Variants in PRXL2B observed in about 807,000 individuals in gnomAD.
The protein encoded by PRXL2B is peroxiredoxin like 2B.
In PRXL2B, 26 loss-of-function variants were observed where a neutral mutation model predicts 24.4. The ratio of observed to expected loss-of-function variants is 1.07; its 90% confidence interval spans 0.78 to 1.48. The LOEUF (loss-of-function observed/expected upper bound fraction) is 1.48, where lower values mean the gene tolerates loss of function less well. Among genes scored for constraint, PRXL2B ranks in the 40% most tolerant of loss-of-function variants. The pLI is 0.00. For missense variants in PRXL2B, 269 were observed against 264.8 expected (o/e 1.02, Z -0.11); for synonymous variants, 115 against 118.9 (o/e 0.97, Z 0.21).
At position 2,587,238 on chromosome 1, in the gene PRXL2B, G is replaced by A. The variant is rs1467553598; in HGVS notation, c.211G>A (p.Val71Ile). The change falls in exon 2 of 7, where the codon GTA (valine) becomes ATA (isoleucine). Residue 71 changes from valine to isoleucine, a missense_variant. Val to Ile is a conservative substitution (Grantham distance 29, BLOSUM62 3). Coordinates refer to ENST00000419916, the MANE Select transcript of PRXL2B (RefSeq NM_152371.5). This position sits in a 1 kb window ranked among gnomAD's most constrained non-coding sequence, Gnocchi z 6.1. Reference protein sequence around the residue: ...LDQHGVRLVGVGPEALGLQEF... With the variant: ...LDQHGVRLVGIGPEALGLQEF... ...CCAACACGGCGTGCGCCTGGTGGGC[G>A]TAGGGCCCGAGGCCCTGGGTCTGCA... The A allele has an allele frequency of 6.3e-7, 1 of 1,576,792 alleles. No homozygotes were observed. Among genetic ancestry groups the A allele is most frequent in the Non-Finnish European group, 8.6e-7 (1 of 1,167,652 alleles).
rs1644544124 is a variant in PRXL2B, at chr1:2,587,228, C to G, written c.201C>G (p.Arg67=). The G allele has an allele frequency of 6.4e-7, 1 of 1,574,572 alleles. No homozygotes were observed. Among genetic ancestry groups the G allele is most frequent in the Non-Finnish European group, 8.6e-7 (1 of 1,166,572 alleles). Residue 67 remains arginine (R), a synonymous_variant, in exon 2 of 7, where the codon CGC becomes CGG. Coordinates refer to ENST00000419916, the MANE Select transcript of PRXL2B (RefSeq NM_152371.5). The surrounding 1 kb of genome is among the most constrained non-coding windows in gnomAD (Gnocchi z 6.1). ...GGCTCCTGGACCAACACGGCGTGCG[C>G]CTGGTGGGCGTAGGGCCCGAGGCCC... is the stretch of plus-strand genomic sequence containing the variant. ...LAGLLDQHGV[R]LVGVGPEALG... is the part of the protein sequence containing the mutation.
chr1:2,586,729 C>T (rs1270396236), upstream of PRXL2B: 3 of 1,213,360 alleles, frequency 2.5e-6, no homozygotes, highest in Admixed American at 1.5e-4. Flanking sequence ...CCCGAAGGGG[C>T]GGGGCCTCGG....
At chr1:2,588,850 C>T in intron 5 of PRXL2B, 72 bp from the exon 6 acceptor site, 2 of 1,467,040 alleles carry the variant, frequency 1.4e-6, no homozygotes, top group South Asian at 1.2e-5. Context: ...CCCTACCCTC[C>T]CTCCTCCTGG....
rs374933565 is a variant in PRXL2B at position 2,589,012 on chromosome 1, C to T, written c.551C>T (p.Ala184Val). The change falls in exon 6 of 7, where the codon GCG becomes GTG. Residue 184 changes from alanine to valine, a missense_variant. By Grantham distance (64) the Ala-to-Val change is moderately conservative. Transcript: ENST00000419916. ...EHILQVLGIS[A>V]EVCASDPPQC... ...ATCCTGCAGGTCCTGGGCATCTCTG[C>T]GGAGGTCTGTGCCAGCGACCCGCCT... 13 of 1,613,158 alleles carry T rather than the reference C, an allele frequency of 8.1e-6. No homozygotes were observed. The highest frequency in any genetic ancestry group is 1.1e-5 in the South Asian group (1 of 91,090).
At chr1:2,589,269 G>A (rs1282735882) in intron 6 of PRXL2B, 141 bp from the exon 7 acceptor site, 91 of 1,313,582 alleles carry the variant, frequency 6.9e-5, no homozygotes, top group Non-Finnish European at 9.6e-5. Context: ...TGTCCTCAGA[G>A]GTGGGGGCGA....
chr1:2,589,576 T>C lies in PRXL2B; in HGVS notation c.*149T>C. Reference sequence around the variant, plus strand: ...GCCGGCAGCAACGAGCCATTAAAACTGCAGTTCCTGACCACGCACTGCTTC... The same window carrying C: ...GCCGGCAGCAACGAGCCATTAAAACCGCAGTTCCTGACCACGCACTGCTTC... On this transcript the variant is annotated 3_prime_UTR_variant, in exon 7 of 7. Coordinates refer to ENST00000419916, the MANE Select transcript of PRXL2B (RefSeq NM_152371.5). 1.8e-6 allele frequency: 2 copies of C among 1,117,430 alleles called. No homozygotes were observed. The highest frequency in any genetic ancestry group is 2.5e-5 in the East Asian group (1 of 39,458). The allele number at this position is 1,117,430 out of a possible 1,614,324, so 69.2% of individuals were successfully genotyped here. A position where few individuals can be genotyped will look rare whatever the true frequency, so the allele number is the denominator to read the frequency against.
chr1:2,591,045 A>G lies in PRXL2B; in HGVS notation c.*1618A>G. On this transcript the variant is annotated 3_prime_UTR_variant, in exon 7 of 7. Transcript: ENST00000419916. ...CATGGGGGTGCCCCGGGCACAGTGG[A>G]ACGTGTCTGCGAAGGCGGCCAGGTT... 6.2e-7 allele frequency: 1 copy of G among 1,606,686 alleles called. No individual in the cohort carries two copies. The highest frequency in any genetic ancestry group is 8.5e-7 in the Non-Finnish European group (1 of 1,177,306).
At position 2,586,822 on chromosome 1, in the gene PRXL2B, C is replaced by A; in HGVS notation, c.-64C>A. On this transcript the variant is annotated 5_prime_UTR_variant, in exon 1 of 7. Coordinates refer to ENST00000419916, the MANE Select transcript of PRXL2B (RefSeq NM_152371.5). ...TGAGCCGGGAGCGGGGATCCAGGAG[C>A]GAGGAGCCGGGAGCGGGGAACAGGG... The A allele has an allele frequency of 2.4e-6, 3 of 1,269,656 alleles. No homozygotes were observed. Among genetic ancestry groups the A allele is most frequent in the Non-Finnish European group, 3.0e-6 (3 of 1,009,134 alleles). 78.6% of individuals were successfully genotyped at this position (1,269,656 alleles called of 1,614,324 possible). A position where few individuals can be genotyped will look rare whatever the true frequency, so the allele number is the denominator to read the frequency against.
chr1:2,589,559 C>T lies in PRXL2B; in HGVS notation c.*132C>T. The stretch of plus-strand genomic sequence containing the variant: ...CGAACCTCTCCTGATCCGCCGGCAG[C>T]AACGAGCCATTAAAACTGCAGTTCC... On this transcript the variant is annotated 3_prime_UTR_variant, in exon 7 of 7. Transcript: ENST00000419916. 7.6e-7 allele frequency: 1 copy of T among 1,312,570 alleles called. No homozygotes were observed. Among genetic ancestry groups the T allele is most frequent in the South Asian group, 1.3e-5 (1 of 76,742 alleles). The allele number at this position is 1,312,570 out of a possible 1,614,324, so 81.3% of individuals were successfully genotyped here.
rs1644669642 is a variant in PRXL2B at position 2,590,758 on chromosome 1, G to A, written c.*1331G>A. 7.5e-6 allele frequency: 3 copies of A among 402,484 alleles called. No homozygotes were observed. The highest frequency in any genetic ancestry group is 1.3e-5 in the Non-Finnish European group (3 of 228,134). 24.9% of individuals were successfully genotyped at this position (402,484 alleles called of 1,614,324 possible). The stretch of plus-strand genomic sequence containing the variant: ...TACAGAGCTGTGACGGGGGCACTGA[G>A]CCCCGCGGGTGTCTGTGGAGGGGGC... On this transcript the variant is annotated 3_prime_UTR_variant, in exon 7 of 7. Coordinates refer to ENST00000419916, the MANE Select transcript of PRXL2B (RefSeq NM_152371.5).
In PRXL2B at chr1:2,586,822, C is replaced by T; in HGVS notation, c.-64C>T. ...TGAGCCGGGAGCGGGGATCCAGGAGCGAGGAGCCGGGAGCGGGGAACAGGG... is the reference window on the plus strand; with the variant it reads ...TGAGCCGGGAGCGGGGATCCAGGAGTGAGGAGCCGGGAGCGGGGAACAGGG... On this transcript the variant is annotated 5_prime_UTR_variant, in exon 1 of 7. Transcript: ENST00000419916. 1 of 1,269,656 alleles carries T rather than the reference C, an allele frequency of 7.9e-7. No individual in the cohort carries two copies. Among genetic ancestry groups the T allele is most frequent in the South Asian group, 3.3e-5 (1 of 30,358 alleles). 78.6% of individuals were successfully genotyped at this position (1,269,656 alleles called of 1,614,324 possible).
At position 2,589,534 on chromosome 1, in the gene PRXL2B, C is replaced by T. The variant is rs111819834; in HGVS notation, c.*107C>T. ...TTCCGGAGGCGCTGGGTCGGGATGC[C>T]GAACCTCTCCTGATCCGCCGGCAGC... On this transcript the variant is annotated 3_prime_UTR_variant, in exon 7 of 7. Coordinates refer to ENST00000419916, the MANE Select transcript of PRXL2B (RefSeq NM_152371.5). The T allele has an allele frequency of 1.1e-3, 1,617 of 1,512,926 alleles. 3 individuals carry two copies. Among genetic ancestry groups the T allele is most frequent in the East Asian group, 1.9e-3 (83 of 43,096 alleles). 93.7% of individuals were successfully genotyped at this position (1,512,926 alleles called of 1,614,324 possible).
At position 2,591,240 on chromosome 1, in the gene PRXL2B, C is replaced by G. The variant is rs1264989749; in HGVS notation, c.*1813C>G. 2 of 607,982 alleles carry G rather than the reference C, an allele frequency of 3.3e-6. No individual in the cohort carries two copies. The highest frequency in any genetic ancestry group is 2.9e-6 in the Non-Finnish European group (1 of 349,152). 37.7% of individuals were successfully genotyped at this position (607,982 alleles called of 1,614,324 possible). ...AACATTTCAACCATGAGATAAACCC[C>G]CATCTGACCAGAAACATGCCAATCC... On this transcript the variant is annotated 3_prime_UTR_variant, in exon 7 of 7. Transcript: ENST00000419916.
chr1:2,590,896 C>A lies in PRXL2B; in HGVS notation c.*1469C>A. On this transcript the variant is annotated 3_prime_UTR_variant, in exon 7 of 7. Coordinates refer to ENST00000419916, the MANE Select transcript of PRXL2B (RefSeq NM_152371.5). ...GCAGGCTTGGCATGGTTGGCCGGGG[C>A]GGGACGTACACTGGGTCGCCGCTAG... 1 of 1,011,978 alleles carries A rather than the reference C, an allele frequency of 9.9e-7. No individual in the cohort carries two copies. The highest frequency in any genetic ancestry group is 2.6e-5 in the South Asian group (1 of 38,398). The allele number at this position is 1,011,978 out of a possible 1,614,324, so 62.7% of individuals were successfully genotyped here. A position where few individuals can be genotyped will look rare whatever the true frequency, so the allele number is the denominator to read the frequency against.
At position 2,587,770 on chromosome 1, in the gene PRXL2B, T is replaced by C. The variant is rs764680301; in HGVS notation, c.298T>C (p.Tyr100His). The change falls in exon 3 of 7, where the codon TAC (tyrosine) becomes CAC (histidine). Residue 100 changes from tyrosine to histidine, a missense_variant. Transcript: ENST00000419916. This position sits in a 1 kb window ranked among gnomAD's most constrained non-coding sequence, Gnocchi z 6.1. ...CTACCTGGATGAGAGCAAGCAGCTT[T>C]ACAAGGAGCTAGGCTTCAAGCGGTG... is the stretch of plus-strand genomic sequence containing the variant. ...ELYLDESKQLYKELGFKRYNS... is the reference protein window; with the variant it reads ...ELYLDESKQLHKELGFKRYNS... 3.3e-6 allele frequency: 5 copies of C among 1,535,628 alleles called. No homozygotes were observed. The highest frequency in any genetic ancestry group is 4.4e-6 in the Non-Finnish European group (5 of 1,134,630).
In PRXL2B at chr1:2,587,663, G is replaced by C; in HGVS notation, c.269-78G>C. The C allele has an allele frequency of 6.7e-7, 1 of 1,493,396 alleles. No homozygotes were observed. The highest frequency in any genetic ancestry group is 2.4e-5 in the East Asian group (1 of 41,386). The allele number at this position is 1,493,396 out of a possible 1,614,324, so 92.5% of individuals were successfully genotyped here. A position where few individuals can be genotyped will look rare whatever the true frequency, so the allele number is the denominator to read the frequency against. ...CAGAGGAACAGAGGGTCGGAAGGAG[G>C]AGGGCGATTCTTTGTGGTGAGTGGG... is the stretch of plus-strand genomic sequence containing the variant. On this transcript the variant is annotated intron_variant, in intron 2 of 6. Transcript: ENST00000419916. The surrounding 1 kb of genome is among the most constrained non-coding windows in gnomAD (Gnocchi z 6.1).
chr1:2,588,686 C>G (rs1644592276), intron 5 of PRXL2B, 61 bp downstream of exon 5: 2 of 1,548,786 alleles, frequency 1.3e-6, no homozygotes, highest in African/African-American at 2.7e-5. Context: ...ACTTGGTGGC[C>G]CAGCCCAGGC....
chr1:2,588,755 G>A, intron 5 of PRXL2B, 130 bp downstream of exon 5: 1 of 1,231,848 alleles, frequency 8.1e-7, no homozygotes, highest in South Asian at 1.3e-5. Context: ...GCCTGGTTCT[G>A]CGTGTCTGCT....
At position 2,591,453 on chromosome 1, in the gene PRXL2B, T is replaced by C. The variant is rs1644703955; in HGVS notation, c.*2026T>C. The C allele has an allele frequency of 1.1e-6, 1 of 927,890 alleles. No homozygotes were observed. The allele number at this position is 927,890 out of a possible 1,614,324, so 57.5% of individuals were successfully genotyped here. The stretch of plus-strand genomic sequence containing the variant: ...CTCAGGTTTATTCCCAAAATAAACC[T>C]GTCTCTGTTGAGCCACTTTTTGTGC... On this transcript the variant is annotated 3_prime_UTR_variant, in exon 7 of 7. Transcript: ENST00000419916.
Sources: gnomAD v4.1 joint callset for allele counts on GRCh38, gnomAD v4.1.1 for gene constraint, Gnocchi (gnomAD v3.1) non-coding constraint, MANE v1.5 for transcripts, NCBI Gene and HGNC (gene_info 2026-07-23, HGNC 2026-07-21) for gene names.